The following P2RX5 variants were observed in gnomAD, a reference collection of about 807,000 sequenced individuals.
P2RX5 encodes the protein P2X purinoceptor 5.
In P2RX5, 46 loss-of-function variants were observed where a neutral mutation model predicts 54.1. The ratio of observed to expected loss-of-function variants is 0.85; its 90% confidence interval spans 0.67 to 1.09. The LOEUF (loss-of-function observed/expected upper bound fraction) is 1.09. Among genes scored for constraint, P2RX5 ranks in the 50% least tolerant of loss-of-function variants. P2RX5 has a pLI of 0.00. For synonymous variants in P2RX5, 226 were observed against 226.4 expected (o/e 1.00, Z 0.02); for missense variants, 566 against 549.8 (o/e 1.03, Z -0.29).
rs377376607 is a variant in P2RX5 at position 3,679,844 on chromosome 17, C to T, written c.1065-60G>A. 5.4e-4 allele frequency: 793 copies of T among 1,458,086 alleles called. 7 individuals are homozygous for T. In the South Asian group the frequency reaches 7.1e-3, roughly 13 times the overall value. The allele number at this position is 1,458,086 out of a possible 1,614,324, so 90.3% of individuals were successfully genotyped here. On this transcript the variant is annotated intron_variant, in intron 10 of 11. Coordinates refer to ENST00000225328, the MANE Select transcript of P2RX5 (RefSeq NM_002561.4). ...CCTGCAGGGTGCCTCCCCTCCTAGA[C>T]GGGCGGAGTGGGCCTTGAAGAATCC...
chr17:3,700,713 G>A (rs2567871), upstream of P2RX5, among the ~76,000 whole-genome samples: 59,300 of 152,086 alleles, frequency 0.39, 13,776 homozygotes, highest in South Asian at 0.61. Context: ...TAGGGTCATA[G>A]ATGTGGCTTC....
Position 3,690,968 on chromosome 17 carries a change from G to A in P2RX5, c.348C>T (p.Asn116=), listed in dbSNP as rs150332164. ...NLIVTPNQRQ[N]VCAENEGIPD... is the part of the protein sequence containing the mutation. ...CGCCAAATCAAACCTCAGCACAGAC[G>A]TTCTGCCGCTGGTTGGGGGTCACAA... Residue 116 remains asparagine (N), a synonymous_variant, in exon 3 of 12, where the codon AAC becomes AAT. Transcript: ENST00000225328. 260 of 1,571,574 alleles carry A rather than the reference G, an allele frequency of 1.7e-4. No individual in the cohort carries two copies. Among genetic ancestry groups the A allele is most frequent in the Non-Finnish European group, 2.1e-4 (240 of 1,156,536 alleles).
At chr17:3,691,842 CG>C in intron 1 of P2RX5, 48 bp from the exon 2 acceptor site, 1 of 1,608,488 alleles carries the variant, frequency 6.2e-7, no homozygotes, top group South Asian at 1.1e-5. Flanking sequence ...CTGCTGGCTT[CG>C]GGGAGCTTCC....
At chr17:3,680,217 ATCCTCCACCCTGCGTCCTCCACCCAGCG>A (rs2050217485) in intron 10 of P2RX5, among the ~76,000 whole-genome samples, 6 of 48,734 alleles carry the variant, frequency 1.2e-4, no homozygotes, top group Non-Finnish European at 2.5e-4. Context: ...TCCACCCTGC[ATCCTCCACCCTGCGTCCTCCACCCAGCG>A]TCCTCCACCC....
chr17:3,720,676 A>AAACGG, the P2RX5 span: 8 of 250,742 alleles, frequency 3.2e-5, no homozygotes, highest in Non-Finnish European at 5.4e-5. Flanking sequence ...CCACCCCGTC[A>AAACGG]GGTTCAAGCG....
chr17:3,711,370 CTTTTTTTTTT>C, the P2RX5 span, among the ~76,000 whole-genome samples: 397 of 63,094 alleles, frequency 6.3e-3, 4 homozygotes, highest in African/African-American at 0.024. Flanking sequence ...AGCACTCATT[CTTTTTTTTTT>C]TTTTTTTTTT....
At chr17:3,685,609 G>C (rs944686268) in intron 9 of P2RX5, 2 of 166,694 alleles carry the variant, frequency 1.2e-5, no homozygotes, top group African/African-American at 2.4e-5. Context: ...GCCAGTGAGC[G>C]AGGCAGGTTG....
chr17:3,678,054 T>C (rs2050144635), intron 11 of P2RX5: 9 of 985,346 alleles, frequency 9.1e-6, no homozygotes, highest in Admixed American at 6.1e-5. Context: ...TCAGCGACAC[T>C]GCTGGTAGCC....
chr17:3,679,507 G>T, intron 11 of P2RX5, 83 bp downstream of exon 11: 1 of 1,274,540 alleles, frequency 7.8e-7, no homozygotes, highest in Non-Finnish European at 1.1e-6. Context: ...GTCCGCTGGA[G>T]CTGCCAGGCA....
chr17:3,711,166 A>T, the P2RX5 span, among the ~76,000 whole-genome samples: 1 of 152,140 alleles, frequency 6.6e-6, no homozygotes, highest in African/African-American at 2.4e-5. Context: ...AAAGTACCCC[A>T]TGTGCTTTCT....
the P2RX5 span, among the ~76,000 whole-genome samples, chr17:3,701,495 C>G: frequency 6.6e-6 from 1 of 152,098 alleles, no homozygotes; most frequent in Admixed American, 6.5e-5. Flanking sequence ...GAGTTCGAGA[C>G]CAGCCTGAAC....
the P2RX5 span, chr17:3,714,776 A>G: frequency 3.6e-6 from 3 of 838,494 alleles, no homozygotes; most frequent in Admixed American, 6.3e-5. Context: ...TGAAGGAAAA[A>G]GTAATGCAAA....
chr17:3,673,945 G>A (rs929492137), intron 11 of P2RX5, 68 bp from the exon 12 acceptor site: 13 of 1,409,118 alleles, frequency 9.2e-6, no homozygotes, highest in Non-Finnish European at 1.3e-5. Flanking sequence ...GAGGCAACCA[G>A]TGCCCAGGGA....
rs2050184876 is a variant in P2RX5, at chr17:3,679,673, C to A, written c.1176G>T (p.Leu392=). 6.2e-7 allele frequency: 1 copy of A among 1,611,392 alleles called. No individual in the cohort carries two copies. The highest frequency in any genetic ancestry group is 1.3e-5 in the African/African-American group (1 of 74,882). The part of the protein sequence containing the change: ...GLLGMPEQQE[L]QEPPEAKRGS... ...CACGCTTCGCCTCGGGTGGCTCCTG[C>A]AGCTCCTGCTGCTCCGGCATCCCCA... is the stretch of plus-strand genomic sequence containing the variant. The change falls in exon 11 of 12, where the codon CTG becomes CTT. Residue 392 remains leucine (L), a synonymous_variant. Transcript: ENST00000225328.
the P2RX5 span, among the ~76,000 whole-genome samples, chr17:3,703,180 CAG>C: frequency 2.6e-5 from 4 of 152,066 alleles, no homozygotes; most frequent in East Asian, 7.7e-4. Context: ...CCTTTAGAGA[CAG>C]GGGAATTACT....
rs563599927 is a variant in P2RX5 at position 3,685,629 on chromosome 17, G to A, written c.981+2383C>T. On this transcript the variant is annotated intron_variant, in intron 9 of 11. Transcript: ENST00000225328. ...TGAGCGAGGCAGGTTGGACAGCGGG[G>A]CCCCCAGGGACCCTCCCAGCGTCCC... 462 of 163,062 alleles carry A rather than the reference G, an allele frequency of 2.8e-3. 2 individuals are homozygous for A. The highest frequency in any genetic ancestry group is 4.3e-3 in the Non-Finnish European group (319 of 74,134). The allele number at this position is 163,062 out of a possible 1,614,324, so 10.1% of individuals were successfully genotyped here.
rs1455661087 is a variant in P2RX5, at chr17:3,695,876, G to A, written c.130C>T (p.Leu44=). The A allele has an allele frequency of 1.9e-6, 3 of 1,597,646 alleles. No individual in the cohort carries two copies. The highest frequency in any genetic ancestry group is 2.6e-6 in the Non-Finnish European group (3 of 1,170,204). The stretch of plus-strand genomic sequence containing the variant: ...AGTCCGCGGAGAACTTACACGACCA[G>A]GTACGCCAGGATGGAGGCCTGCAGC... The part of the protein sequence containing the change: ...RLLQASILAY[L]VVWVFLIKKG... Residue 44 remains leucine (L), a synonymous_variant, in exon 1 of 12, where the codon CTG becomes TTG. Coordinates refer to ENST00000225328, the MANE Select transcript of P2RX5 (RefSeq NM_002561.4).
At chr17:3,720,583 CCTT>C in the P2RX5 span, 1 of 389,890 alleles carries the variant, frequency 2.6e-6, no homozygotes, top group Non-Finnish European at 4.4e-6. Flanking sequence ...TCTTCAACTT[CCTT>C]TTTTTTTTTT....
chr17:3,709,895 C>T, the P2RX5 span, among the ~76,000 whole-genome samples: 4 of 151,944 alleles, frequency 2.6e-5, no homozygotes, highest in African/African-American at 9.7e-5. Context: ...GGCGAAAGAG[C>T]GAGACTCTGT....
Sources: gnomAD v4.1 joint callset for allele counts (sites outside exome capture counted in the v4.1 genomes callset) on GRCh38, gnomAD v4.1.1 for gene constraint, MANE v1.5 for transcripts, NCBI Gene and HGNC (gene_info 2026-07-23, HGNC 2026-07-21) for gene names.